Variants in PML observed in about 807,000 individuals in gnomAD.
PML encodes PML nuclear body scaffold.
A neutral mutation model predicts 65.2 loss-of-function variants in PML; 28 were observed. The ratio of observed to expected loss-of-function variants is 0.43; its 90% CI spans 0.32 to 0.59. The LOEUF (loss-of-function observed/expected upper bound fraction) is 0.59, where lower values mean the gene tolerates loss of function less well. PML is among the 20% of genes least tolerant of loss of function. The pLI is 0.08. For missense variants in PML, 1,021 were observed against 1,203.4 expected (o/e 0.85, Z 2.24); for synonymous variants, 500 against 508.8 (o/e 0.98, Z 0.23).
rs1314249957 is a variant in PML, at chr15:74,042,158, G to T, written c.1711-831G>T. ...GCTGGAGCCCTTCCCTCATCCTCTG[G>T]CTCCCCACCCCATGGCTTCTCGAAC... On this transcript the variant is annotated intron_variant, in intron 7 of 8. Transcript: ENST00000268058. The surrounding 1 kb of genome is among the most constrained non-coding windows in gnomAD (Gnocchi z 5.3). 2.6e-5 allele frequency among the ~76,000 whole-genome samples: 4 copies of T among 152,148 alleles called. No individual in the cohort carries two copies. The highest frequency in any genetic ancestry group is 4.4e-5 in the Non-Finnish European group (3 of 68,034).
rs751032145 is a variant in PML at position 74,033,353 on chromosome 15, C to T, written c.1596C>T (p.Val532=). 3 of 1,613,874 alleles carry T rather than the reference C, an allele frequency of 1.9e-6. No individual in the cohort carries two copies. The highest frequency in any genetic ancestry group is 8.5e-7 in the Non-Finnish European group (1 of 1,179,884). ...LDGPPSPRSP[V]IGSEVFLPNS... ...GACCGCCTAGCCCCAGGAGCCCCGT[C>T]ATAGGAAGTGAGGTCTTCCTGCCCA... is the stretch of plus-strand genomic sequence containing the variant. The change falls in exon 6 of 9, where the codon GTC becomes GTT. Residue 532 remains valine (V), a synonymous_variant. Transcript: ENST00000268058.
rs1468969711 is a variant in PML at position 74,046,781 on chromosome 15, TCCA to T, written c.*1774_*1776del. ...GATGTGAATCTTGAAAGCCTGATGC[TCCA>T]ATCACAGACTCTGCTCAGCATCCCC... On this transcript the variant is annotated 3_prime_UTR_variant, in exon 9 of 9. Transcript: ENST00000268058. 1 of 231,208 alleles carries T rather than the reference TCCA, an allele frequency of 4.3e-6. No homozygotes were observed. The highest frequency in any genetic ancestry group is 8.6e-6 in the Non-Finnish European group (1 of 116,860). 14.3% of individuals were successfully genotyped at this position (231,208 alleles called of 1,614,324 possible).
intron 4 of PML, chr15:74,031,232 C>G (rs1378613069): frequency 2.3e-6 from 1 of 442,352 alleles, no homozygotes; most frequent in Non-Finnish European, 4.5e-6. Flanking sequence ...TAGGATCATA[C>G]AATGTGTATT....
In PML at chr15:74,025,379, G is replaced by A. The variant is rs529882220; in HGVS notation, c.1254+452G>A. 7.4e-5 allele frequency: 14 copies of A among 188,240 alleles called. No homozygotes were observed. The South Asian group carries it at 1.5e-3, about 21-fold the overall frequency. The allele number at this position is 188,240 out of a possible 1,614,324, so 11.7% of individuals were successfully genotyped here. On this transcript the variant is annotated intron_variant, in intron 4 of 8. Coordinates refer to ENST00000268058, the MANE Select transcript of PML (RefSeq NM_033238.3). ...ACCCCCAATGTGGGAGCCTTCTCTT[G>A]GAGTCAGAATAGGTGGGCCTTCCCC...
At position 74,035,256 on chromosome 15, in the gene PML, C is replaced by T. The variant is rs1158965172; in HGVS notation, c.1710+726C>T. The T allele has an allele frequency of 6.2e-7, 1 of 1,612,816 alleles. No individual in the cohort carries two copies. The highest frequency in any genetic ancestry group is 1.3e-5 in the African/African-American group (1 of 74,874). On this transcript the variant is annotated intron_variant, in intron 7 of 8. Transcript: ENST00000268058. The surrounding 1 kb of genome is among the most constrained non-coding windows in gnomAD (Gnocchi z 4.1). The stretch of plus-strand genomic sequence containing the variant: ...CCACTCCTCGCCAGCCCACTCCTCG[C>T]CAGTCCAGTCTCTGCTGAGAGCACA...
rs754956837 is a variant in PML, at chr15:74,035,625, C to T, written c.1710+1095C>T. On this transcript the variant is annotated intron_variant, in intron 7 of 8. Transcript: ENST00000268058. This position sits in a 1 kb window ranked among gnomAD's most constrained non-coding sequence, Gnocchi z 4.1. ...CCAGCTGCAAAGGGGCATCAGCCCA[C>T]CCCACCGGATACGAGGGGCTGTGCG... 1.2e-6 allele frequency: 2 copies of T among 1,613,698 alleles called. No homozygotes were observed. Among genetic ancestry groups the T allele is most frequent in the Non-Finnish European group, 1.7e-6 (2 of 1,180,044 alleles).
At position 74,035,240 on chromosome 15, in the gene PML, G is replaced by A. The variant is rs557907134; in HGVS notation, c.1710+710G>A. On this transcript the variant is annotated intron_variant, in intron 7 of 8. Transcript: ENST00000268058. The surrounding 1 kb of genome is among the most constrained non-coding windows in gnomAD (Gnocchi z 4.1). ...CCCACTCCTCGCCAGCCCACTCCTC[G>A]CCAGCCCACTCCTCGCCAGTCCAGT... 53 of 1,607,840 alleles carry A rather than the reference G, an allele frequency of 3.3e-5. 2 individuals carry two copies. Among genetic ancestry groups the A allele is most frequent in the East Asian group, 2.5e-4 (11 of 44,802 alleles).
At chr15:74,044,179 C>A in intron 8 of PML, 42 bp from the exon 9 acceptor site, 1 of 1,603,172 alleles carries the variant, frequency 6.2e-7, no homozygotes, top group Non-Finnish European at 8.5e-7. Context: ...CCAGAGCTCT[C>A]TGTGACCCTG....
chr15:74,005,469 C>T (rs1220895385), intron 2 of PML, among the ~76,000 whole-genome samples: 2 of 151,864 alleles, frequency 1.3e-5, no homozygotes, highest in East Asian at 1.9e-4. Flanking sequence ...CTTTTTTCCC[C>T]GAGATTCTCA....
chr15:74,018,875 C>CTGAAGA (rs2070714700), intron 2 of PML, among the ~76,000 whole-genome samples: 2 of 152,158 alleles, frequency 1.3e-5, no homozygotes, highest in Non-Finnish European at 2.9e-5. Context: ...ACGGTTAAGT[C>CTGAAGA]TGGGTTCTTG....
chr15:74,033,202 C>G lies in PML; in HGVS notation c.1445C>G (p.Thr482Ser). The G allele has an allele frequency of 6.2e-7, 1 of 1,614,184 alleles. No homozygotes were observed. The highest frequency in any genetic ancestry group is 1.1e-5 in the South Asian group (1 of 91,082). Residue 482 changes from threonine to serine, a missense_variant, in exon 6 of 9, where the codon ACC (threonine) becomes AGC (serine). Thr to Ser is a moderately conservative substitution (Grantham distance 58). Coordinates refer to ENST00000268058, the MANE Select transcript of PML (RefSeq NM_033238.3). ...TTAQKRKCSQ[T>S]QCPRKVIKME... ...GCCCAGAAGAGGAAGTGCAGCCAGA[C>G]CCAGTGCCCCAGGAAGGTCATCAAG... is the stretch of plus-strand genomic sequence containing the variant.
intron 2 of PML, among the ~76,000 whole-genome samples, chr15:74,016,269 C>T (rs1408222293): frequency 1.3e-5 from 2 of 151,802 alleles, no homozygotes; most frequent in East Asian, 3.9e-4. Context: ...GAGCGAGACT[C>T]CATCTCAAAA....
At chr15:74,034,370 G>A (rs2304718) in intron 6 of PML, 108 bp from the exon 7 acceptor site, 797,478 of 1,473,416 alleles carry the variant, frequency 0.54, 218,142 homozygotes, top group Non-Finnish European at 0.56. Flanking sequence ...CAGGGCATCC[G>A]TTTCCCCCAG....
Position 73,994,731 on chromosome 15 carries a change from G to A in PML, c.-82G>A. The A allele has an allele frequency of 2.7e-6, 4 of 1,470,250 alleles. No individual in the cohort carries two copies. In the South Asian group the frequency reaches 4.9e-5, roughly 18 times the overall value. 91.1% of individuals were successfully genotyped at this position (1,470,250 alleles called of 1,614,324 possible). ...CCTTTCGGACAGCTCAAGGGACTCA[G>A]CCAACTGGCTCACGCCTCCCCTTCA... On this transcript the variant is annotated 5_prime_UTR_variant, in exon 1 of 9. Coordinates refer to ENST00000268058, the MANE Select transcript of PML (RefSeq NM_033238.3).
chr15:74,023,790 A>ATTGG (rs2070953933), intron 3 of PML, among the ~76,000 whole-genome samples: 1 of 152,164 alleles, frequency 6.6e-6, no homozygotes, highest in African/African-American at 2.4e-5. Flanking sequence ...AGAGAAGTCA[A>ATTGG]TTGGGACCTG....
rs2070132672 is a variant in PML at position 74,007,756 on chromosome 15, T to C, written c.602+9280T>C. Reference sequence around the variant, plus strand: ...TGTGGAGTCCATTTTTTCATGTTCATGTCACACCTACTGTGTTGCATGTTC... The same window carrying C: ...TGTGGAGTCCATTTTTTCATGTTCACGTCACACCTACTGTGTTGCATGTTC... On this transcript the variant is annotated intron_variant, in intron 2 of 8. Coordinates refer to ENST00000268058, the MANE Select transcript of PML (RefSeq NM_033238.3). Among the ~76,000 whole-genome samples, 4 of 152,292 alleles carry C rather than the reference T, an allele frequency of 2.6e-5. No homozygotes were observed. The South Asian group carries it at 8.3e-4, about 32-fold the overall frequency.
Position 74,037,952 on chromosome 15 carries a change from A to G in PML, c.1710+3422A>G, listed in dbSNP as rs149984106. ...TTCCAACAGCTCCGCATGGATGCCC[A>G]TAGGTACCTCAAACTCAGCACCTTC... On this transcript the variant is annotated intron_variant, in intron 7 of 8. Transcript: ENST00000268058. The surrounding 1 kb of genome is among the most constrained non-coding windows in gnomAD (Gnocchi z 4.2). 1.4e-4 allele frequency among the ~76,000 whole-genome samples: 21 copies of G among 152,202 alleles called. No individual in the cohort carries two copies. The highest frequency in any genetic ancestry group is 6.5e-4 in the Admixed American group (10 of 15,272).
intron 4 of PML, among the ~76,000 whole-genome samples, chr15:74,030,029 C>T (rs1050924282): frequency 3.3e-5 from 5 of 152,226 alleles, no homozygotes; most frequent in African/African-American, 9.6e-5. Context: ...AAGGACCCAC[C>T]GCGGGGTTCT....
At chr15:74,029,808 C>G (rs552695229) in intron 4 of PML, among the ~76,000 whole-genome samples, 1 of 152,120 alleles carries the variant, frequency 6.6e-6, no homozygotes, top group South Asian at 2.1e-4. Context: ...AAACCACTGG[C>G]CTTAAGAGTG....
Sources: allele counts gnomAD v4.1 joint callset (sites outside exome capture counted in the v4.1 genomes callset), GRCh38; gene constraint gnomAD v4.1.1; non-coding constraint Gnocchi (gnomAD v3.1); transcripts MANE v1.5; gene names NCBI Gene and HGNC (gene_info 2026-07-23, HGNC 2026-07-21).